Variants in NDRG2 observed in about 807,000 individuals in gnomAD.
NDRG2 encodes NDRG family member 2, also known as protein NDRG2.
NDRG2 carries 34 observed loss-of-function variants against 58.2 expected under a neutral mutation model. The ratio of observed to expected loss-of-function variants is 0.58; its 90% CI spans 0.44 to 0.78. The LOEUF (loss-of-function observed/expected upper bound fraction) is 0.78. NDRG2 is among the 30% of genes least tolerant of loss of function. The probability of loss-of-function intolerance (pLI) is 0.00; values close to 1 mark genes in which losing one functional copy is unlikely to be tolerated. For synonymous variants in NDRG2, 187 were observed against 175.9 expected (o/e 1.06, Z -0.50); for missense variants, 434 against 471.2 (o/e 0.92, Z 0.73).
chr14:21,030,782 G>T (rs752081848), upstream of NDRG2: 10 of 1,609,710 alleles, frequency 6.2e-6, no homozygotes, highest in Non-Finnish European at 7.6e-6. Context: ...TGGAGGTGGG[G>T]GTGAGAAGAA....
chr14:21,030,275 A>C, upstream of NDRG2: 1 of 317,500 alleles, frequency 3.1e-6, no homozygotes, highest in Non-Finnish European at 6.0e-6. Flanking sequence ...AAGGCCGGGA[A>C]GGGTCAGACC....
chr14:21,020,061 C>G, intron 8 of NDRG2, 85 bp from the exon 9 acceptor site: 1 of 1,277,038 alleles, frequency 7.8e-7, no homozygotes, highest in South Asian at 1.2e-5. Context: ...TTTGGGAGGC[C>G]GAGGCGGGTG....
chr14:21,038,304 G>A (rs1884744605), intron 1 of NDRG2, among the ~76,000 whole-genome samples: 1 of 152,210 alleles, frequency 6.6e-6, no homozygotes, highest in Admixed American at 6.5e-5. Context: ...GCTATATACT[G>A]TGAAATGTGC....
intron 6 of NDRG2, chr14:21,021,271 G>A (rs1464271429): frequency 8.1e-6 from 3 of 368,812 alleles, no homozygotes; most frequent in African/African-American, 6.3e-5. Context: ...ACAATGGAGA[G>A]AATGAGGAAA....
At chr14:21,048,080 T>C (rs1479388556) in intron 1 of NDRG2, among the ~76,000 whole-genome samples, 1 of 152,058 alleles carries the variant, frequency 6.6e-6, no homozygotes, top group African/African-American at 2.4e-5. Flanking sequence ...CCAGGGGGCC[T>C]TCTCTTCTCC....
intron 1 of NDRG2, chr14:21,034,024 TA>T: frequency 6.2e-7 from 1 of 1,614,168 alleles, no homozygotes; most frequent in Non-Finnish European, 8.5e-7. Context: ...AAGCTGTCAC[TA>T]TACTTGCAGA....
At chr14:21,054,345 C>CAG (rs1359359879) in intron 1 of NDRG2, among the ~76,000 whole-genome samples, 3 of 151,956 alleles carry the variant, frequency 2.0e-5, no homozygotes, top group Non-Finnish European at 4.4e-5. Context: ...TACACACACA[C>CAG]ACACACACAC....
At position 21,018,447 on chromosome 14, in the gene NDRG2, G is replaced by A; in HGVS notation, c.861+10C>T. ...GACTGTGGACGGGGGCCCAGGAACA[G>A]GTTACTGACCTTGAGGAACGAGGTC... On this transcript the variant is annotated intron_variant, in intron 13 of 15. Transcript: ENST00000556147. 2 of 1,613,884 alleles carry A rather than the reference G, an allele frequency of 1.2e-6. No homozygotes were observed. The highest frequency in any genetic ancestry group is 1.7e-6 in the Non-Finnish European group (2 of 1,179,902).
rs191733878 is a variant in NDRG2 at position 21,032,788 on chromosome 14, A to T, written c.25-9467T>A. 540 of 372,802 alleles carry T rather than the reference A, an allele frequency of 1.4e-3. 3 individuals are homozygous for T. Among genetic ancestry groups the T allele is most frequent in the African/African-American group, 0.011 (513 of 47,046 alleles). 23.1% of individuals were successfully genotyped at this position (372,802 alleles called of 1,614,324 possible). ...GAGCAGGAGTTCTGGTGCACTGAAGAAAAAGCAATTAAATCACAACAGAGT... is the reference window on the plus strand; with the variant it reads ...GAGCAGGAGTTCTGGTGCACTGAAGTAAAAGCAATTAAATCACAACAGAGT... On this transcript the variant is annotated intron_variant, in intron 1 of 14. Transcript: ENST00000403829.
chr14:21,057,901 G>C, intron 1 of NDRG2: 6 of 1,613,602 alleles, frequency 3.7e-6, no homozygotes, highest in Non-Finnish European at 5.1e-6. Flanking sequence ...AGATGGCACC[G>C]GCCAGAGCAG....
chr14:21,057,946 G>C, intron 1 of NDRG2: 1 of 1,614,070 alleles, frequency 6.2e-7, no homozygotes, highest in Non-Finnish European at 8.5e-7. Context: ...TTCTGGGGCT[G>C]TGGGTGGCAG....
At chr14:21,030,887 T>G in intron 1 of NDRG2, 1 of 1,510,220 alleles carries the variant, frequency 6.6e-7, no homozygotes, top group South Asian at 1.3e-5. Flanking sequence ...GTGCTATCCT[T>G]TGTCTTCGAG....
chr14:21,031,843 T>C (rs1884196936), intron 1 of NDRG2: 2 of 1,585,206 alleles, frequency 1.3e-6, no homozygotes, highest in East Asian at 4.5e-5. Context: ...GGAAGGGATA[T>C]GACAGCGTAA....
intron 1 of NDRG2, among the ~76,000 whole-genome samples, chr14:21,055,186 C>A (rs1308905025): frequency 6.6e-6 from 1 of 152,214 alleles, no homozygotes; most frequent in African/African-American, 2.4e-5. Context: ...TAAGTTGTGA[C>A]TGGCACTGTT....
intron 1 of NDRG2, chr14:21,032,810 G>A (rs1000119394): frequency 2.6e-6 from 1 of 387,312 alleles, no homozygotes; most frequent in Non-Finnish European, 5.0e-6. Context: ...AATCACAACA[G>A]AGTCAGATGT....
At chr14:21,025,268 G>C (rs959214469), upstream of NDRG2, 463 of 886,764 alleles carry the variant, frequency 5.2e-4, 1 homozygote, top group African/African-American at 7.4e-3. The surrounding 1 kb of genome is among the most constrained non-coding windows in gnomAD (Gnocchi z 5.1). Context: ...ACGCTTCCAG[G>C]CTCTGCTCGG....
intron 15 of NDRG2, 77 bp from the exon 16 acceptor site, chr14:21,017,839 T>C (rs1177840246): frequency 5.6e-6 from 9 of 1,603,918 alleles, no homozygotes; most frequent in Non-Finnish European, 7.7e-6. Context: ...GTGTGGTCCT[T>C]GGATTATGGA....
chr14:21,067,792 G>A (rs113613240), intron 1 of NDRG2, among the ~76,000 whole-genome samples: 10 of 147,884 alleles, frequency 6.8e-5, no homozygotes, highest in African/African-American at 2.5e-4. Flanking sequence ...ACACTTTTAG[G>A]TAAGAGCCTG....
rs773783067 is a variant in NDRG2 at position 21,034,137 on chromosome 14, T to C, written c.25-10816A>G. ...CATATAGGACATCAGACCATTACAATAGCCCCGGAAACCCTTTGGGTAGTT... is the reference window on the plus strand; with the variant it reads ...CATATAGGACATCAGACCATTACAACAGCCCCGGAAACCCTTTGGGTAGTT... On this transcript the variant is annotated intron_variant, in intron 1 of 14. Transcript: ENST00000403829. 8 of 1,614,196 alleles carry C rather than the reference T, an allele frequency of 5.0e-6. No homozygotes were observed. The South Asian group carries it at 6.6e-5, about 13-fold the overall frequency.
Sources: gnomAD v4.1 joint callset for allele counts (sites outside exome capture counted in the v4.1 genomes callset) on GRCh38, gnomAD v4.1.1 for gene constraint, Gnocchi (gnomAD v3.1) non-coding constraint, MANE v1.5 for transcripts, NCBI Gene and HGNC (gene_info 2026-07-23, HGNC 2026-07-21) for gene names.